Variants in ENTREP2 observed in about 807,000 individuals in gnomAD.
ENTREP2 encodes the protein endosomal transmembrane epsin interactor 2.
the ENTREP2 span, among the ~76,000 whole-genome samples, chr15:29,590,222 T>C: frequency 6.6e-6 from 1 of 152,092 alleles, no homozygotes; most frequent in East Asian, 1.9e-4. Flanking sequence ...GTGCCTGGGG[T>C]TCCATGGCCA....
chr15:29,135,054 G>A, the ENTREP2 span, among the ~76,000 whole-genome samples: 1 of 151,984 alleles, frequency 6.6e-6, no homozygotes, highest in Non-Finnish European at 1.5e-5. This position sits in a 1 kb window ranked among gnomAD's most constrained non-coding sequence, Gnocchi z 7.4. Context: ...GGATGCTTCT[G>A]GTCATGCTGT....
chr15:29,655,088 G>A, the ENTREP2 span, among the ~76,000 whole-genome samples: 47 of 146,714 alleles, frequency 3.2e-4, no homozygotes, highest in African/African-American at 1.3e-3. Context: ...TGAATTGAAA[G>A]GATTCTAAAG....
chr15:29,587,145 G>A, the ENTREP2 span, among the ~76,000 whole-genome samples: 1 of 65,876 alleles, frequency 1.5e-5, no homozygotes, highest in African/African-American at 7.4e-5. Flanking sequence ...AACCGTGTGT[G>A]TGTGTGTGTG....
the ENTREP2 span, among the ~76,000 whole-genome samples, chr15:29,472,412 C>T: frequency 1.4e-5 from 2 of 145,562 alleles, no homozygotes; most frequent in African/African-American, 2.6e-5. Context: ...ATATTTTATA[C>T]ACACACACAA....
the ENTREP2 span, among the ~76,000 whole-genome samples, chr15:29,215,453 A>C: frequency 1.3e-5 from 2 of 152,060 alleles, no homozygotes; most frequent in African/African-American, 4.8e-5. Flanking sequence ...TCCTGCCCTC[A>C]AACATTGGAC....
chr15:29,633,208 T>G, the ENTREP2 span, among the ~76,000 whole-genome samples: 1 of 152,222 alleles, frequency 6.6e-6, no homozygotes, highest in South Asian at 2.1e-4. Context: ...CTGTCAGCCT[T>G]CTCCAGGGCA....
At chr15:29,450,713 C>G in the ENTREP2 span, among the ~76,000 whole-genome samples, 590 of 152,290 alleles carry the variant, frequency 3.9e-3, 2 homozygotes, top group Non-Finnish European at 5.7e-3. Flanking sequence ...CTGAATCAAC[C>G]TAAATGCCCA....
chr15:29,657,381 C>T, the ENTREP2 span, among the ~76,000 whole-genome samples: 2 of 148,980 alleles, frequency 1.3e-5, no homozygotes, highest in South Asian at 2.1e-4. Context: ...ACAAATGGCA[C>T]GGACCCAAAA....
At chr15:29,260,964 T>C in the ENTREP2 span, among the ~76,000 whole-genome samples, 1 of 152,122 alleles carries the variant, frequency 6.6e-6, no homozygotes, top group African/African-American at 2.4e-5. Flanking sequence ...CCTGAAAATA[T>C]ATAAAATAAA....
chr15:29,335,586 A>G, the ENTREP2 span, among the ~76,000 whole-genome samples: 1 of 152,306 alleles, frequency 6.6e-6, no homozygotes, highest in African/African-American at 2.4e-5. Flanking sequence ...TGATTTCAAG[A>G]GGTACCAGAT....
At chr15:29,535,776 G>A in the ENTREP2 span, among the ~76,000 whole-genome samples, 2 of 151,252 alleles carry the variant, frequency 1.3e-5, no homozygotes, top group African/African-American at 4.9e-5. Context: ...TCACTCTATC[G>A]GCCAGGCTGG....
chr15:29,657,352 CGGCA>C, the ENTREP2 span, among the ~76,000 whole-genome samples: 86 of 147,046 alleles, frequency 5.8e-4, 3 homozygotes, highest in South Asian at 0.017. Flanking sequence ...CTCTCAAAGA[CGGCA>C]GTGTTACAGT....
the ENTREP2 span, among the ~76,000 whole-genome samples, chr15:29,237,604 A>G: frequency 1.3e-5 from 2 of 152,242 alleles, no homozygotes; most frequent in African/African-American, 4.8e-5. Context: ...ATTCAAAACC[A>G]TCATGAGATA....
chr15:29,492,865 G>A, the ENTREP2 span, among the ~76,000 whole-genome samples: 3 of 151,730 alleles, frequency 2.0e-5, no homozygotes, highest in Non-Finnish European at 4.4e-5. Context: ...TTAGCCAGGC[G>A]TGGTGGCGGG....
the ENTREP2 span, among the ~76,000 whole-genome samples, chr15:29,194,291 G>T: frequency 6.6e-6 from 1 of 152,196 alleles, no homozygotes; most frequent in Non-Finnish European, 1.5e-5. Flanking sequence ...CCTCAGGTGG[G>T]GGACAGGGGC....
At chr15:29,360,212 T>C in the ENTREP2 span, among the ~76,000 whole-genome samples, 1 of 152,234 alleles carries the variant, frequency 6.6e-6, no homozygotes, top group Non-Finnish European at 1.5e-5. Context: ...TCTAACGCTA[T>C]ATCTTTATAA....
At chr15:29,179,817 T>C in the ENTREP2 span, among the ~76,000 whole-genome samples, 2 of 151,970 alleles carry the variant, frequency 1.3e-5, no homozygotes, top group Non-Finnish European at 2.9e-5. Flanking sequence ...GATCTCCTGA[T>C]CTCGTGAGCT....
At chr15:29,126,177 G>C in the ENTREP2 span, 1 of 1,045,762 alleles carries the variant, frequency 9.6e-7, no homozygotes, top group Admixed American at 3.1e-5. Context: ...CTGCAGGGCC[G>C]GGCCTCCACT....
the ENTREP2 span, among the ~76,000 whole-genome samples, chr15:29,446,619 T>C: frequency 6.6e-6 from 1 of 152,314 alleles, no homozygotes; most frequent in South Asian, 2.1e-4. Context: ...GTGTATACTG[T>C]TTCACCTGTG....
Sources: allele counts gnomAD v4.1 joint callset (sites outside exome capture counted in the v4.1 genomes callset), GRCh38; gene constraint gnomAD v4.1.1; non-coding constraint Gnocchi (gnomAD v3.1); transcripts MANE v1.5; gene names NCBI Gene and HGNC (gene_info 2026-07-23, HGNC 2026-07-21).